NF1: variants seen among roughly 807,000 people sequenced by gnomAD.
NF1 encodes neurofibromin.
A neutral mutation model predicts 325.7 loss-of-function variants in NF1; 122 were observed. That is an observed-to-expected ratio of 0.37 (90% CI 0.32 to 0.44). NF1 has a LOEUF of 0.44. Among genes scored for constraint, NF1 ranks in the 20% least tolerant of loss-of-function variants. The probability of loss-of-function intolerance (pLI) is 1.00; values close to 1 mark genes in which losing one functional copy is unlikely to be tolerated. For synonymous variants in NF1, 1,091 were observed against 1,186.0 expected, an observed-to-expected ratio of 0.92 and a Z score of 1.65; for missense variants, 2,140 against 3,415.4, an observed-to-expected ratio of 0.63 and a Z score of 9.31.
intron 1 of NF1, among the ~76,000 whole-genome samples, chr17:31,140,222 T>G (rs1026013852): frequency 2.6e-5 from 4 of 152,196 alleles, no homozygotes; most frequent in African/African-American, 9.7e-5. Flanking sequence ...TCAAGGAAGC[T>G]TACTGCTGTG....
intron 16 of NF1, 121 bp downstream of exon 16, chr17:31,223,688 C>G: frequency 2.1e-6 from 2 of 939,612 alleles, no homozygotes; most frequent in Admixed American, 2.1e-5. Context: ...TCCCAATGTT[C>G]TCAAAAGGAA....
chr17:31,269,073 G>A (rs1358934639), intron 36 of NF1, among the ~76,000 whole-genome samples: 2 of 151,582 alleles, frequency 1.3e-5, no homozygotes, highest in Non-Finnish European at 2.9e-5. Flanking sequence ...AATGTCTTTC[G>A]AAACCATTTT....
chr17:31,372,485 C>T (rs2151599658), intron 57 of NF1, among the ~76,000 whole-genome samples: 1 of 152,256 alleles, frequency 6.6e-6, no homozygotes, highest in East Asian at 1.9e-4. Context: ...TGCAAGTTTT[C>T]AGCTTAGTGA....
At chr17:31,133,948 C>T (rs1490230668) in intron 1 of NF1, among the ~76,000 whole-genome samples, 1 of 152,216 alleles carries the variant, frequency 6.6e-6, no homozygotes, top group East Asian at 1.9e-4. Flanking sequence ...TGAGCCACTG[C>T]GTCTGGCCTT....
At chr17:31,137,853 C>T (rs1221403659) in intron 1 of NF1, 1 of 151,684 alleles carries the variant, frequency 6.6e-6, no homozygotes, top group African/African-American at 2.4e-5. Flanking sequence ...TTTTTTTTCT[C>T]AGAATTTGGA....
chr17:31,275,430 TGA>T (rs1032066375), intron 36 of NF1, among the ~76,000 whole-genome samples: 3 of 152,196 alleles, frequency 2.0e-5, no homozygotes, highest in African/African-American at 7.2e-5. Context: ...TAAGATATTT[TGA>T]GAGAGATGCC....
intron 36 of NF1, among the ~76,000 whole-genome samples, chr17:31,323,520 C>T (rs1469354238): frequency 6.6e-6 from 1 of 152,182 alleles, no homozygotes; most frequent in Non-Finnish European, 1.5e-5. Flanking sequence ...CGCCAGTAGT[C>T]CACAGAACAT....
Position 31,376,550 on chromosome 17 carries a change from G to A in NF1, c.*2395G>A, listed in dbSNP as rs1597884655. On this transcript the variant is annotated 3_prime_UTR_variant, in exon 58 of 58. Transcript: ENST00000358273. ...TTTTGAGGAAAATCTAGCTTTCCAA[G>A]TAACTAAAATGTACATGAGATAAAC... The A allele has an allele frequency of 1.7e-5, 4 of 232,858 alleles. No homozygotes were observed. The East Asian group carries it at 2.4e-4, about 14-fold the overall frequency. 14.4% of individuals were successfully genotyped at this position (232,858 alleles called of 1,614,324 possible). A position where few individuals can be genotyped will look rare whatever the true frequency, so the allele number is the denominator to read the frequency against.
In NF1 at chr17:31,249,075, G is replaced by A. The variant is rs2151451535; in HGVS notation, c.4066G>A (p.Glu1356Lys). 1.2e-6 allele frequency: 2 copies of A among 1,614,124 alleles called. No homozygotes were observed. The highest frequency in any genetic ancestry group is 1.7e-6 in the Non-Finnish European group (2 of 1,180,004). ...FFHAIISSSS[E>K]FPPQLRSVCH... is the part of the protein sequence containing the mutation. ...CCATGCCATCATCAGTTCCTCCTCA[G>A]AATTCCCCCCTCAACTTCGAAGTGT... Residue 1356 changes from glutamate (E) to lysine (K), a missense_variant, in exon 30 of 58, where the codon GAA (glutamate) becomes AAA (lysine). Physicochemically the swap from Glu to Lys is moderately conservative, Grantham distance 56. Coordinates refer to ENST00000358273, the MANE Select transcript of NF1 (RefSeq NM_001042492.3).
At position 31,226,476 on chromosome 17, in the gene NF1, A is replaced by G. The variant is rs1419142167; in HGVS notation, c.2043A>G (p.Arg681=). 2 of 1,613,694 alleles carry G rather than the reference A, an allele frequency of 1.2e-6. No individual in the cohort carries two copies. The highest frequency in any genetic ancestry group is 1.7e-6 in the Non-Finnish European group (2 of 1,179,806). The part of the protein sequence containing the change: ...AGCSGTPPIC[R]QAQTKLEVAL... ...GCAGCGGAACCCCCCCGATTTGCCG[A>G]CAAGCCCAGACCAAACTAGAAGTGG... Residue 681 remains arginine, a synonymous_variant, in exon 18 of 58, where the codon CGA becomes CGG. Coordinates refer to ENST00000358273, the MANE Select transcript of NF1 (RefSeq NM_001042492.3).
intron 2 of NF1, 41 bp downstream of exon 2, chr17:31,156,167 T>A (rs532428762): frequency 1.9e-6 from 3 of 1,609,772 alleles, no homozygotes; most frequent in South Asian, 2.2e-5. Context: ...ATTTGCTTTC[T>A]TTTCTTTTTG....
intron 5 of NF1, among the ~76,000 whole-genome samples, chr17:31,176,110 A>G (rs2066018505): frequency 6.6e-6 from 1 of 152,164 alleles, no homozygotes; most frequent in Non-Finnish European, 1.5e-5. Context: ...TGTCTTCCAC[A>G]ATGGTTGAAC....
At position 31,296,798 on chromosome 17, in the gene NF1, G is replaced by A. The variant is rs72815627; in HGVS notation, c.4836-29022G>A. The A allele has an allele frequency of 4.0e-3, 659 of 164,146 alleles. 2 individuals are homozygous for A. The highest frequency in any genetic ancestry group is 6.8e-3 in the Non-Finnish European group (504 of 74,648). 10.2% of individuals were successfully genotyped at this position (164,146 alleles called of 1,614,324 possible). A position where few individuals can be genotyped will look rare whatever the true frequency, so the allele number is the denominator to read the frequency against. Reference sequence around the variant, plus strand: ...ATGTAATTCAATGTGTGTATATAGGGTAGATTTTATTTAGATATTAAAGCA... The same window carrying A: ...ATGTAATTCAATGTGTGTATATAGGATAGATTTTATTTAGATATTAAAGCA... On this transcript the variant is annotated intron_variant, in intron 36 of 57. Transcript: ENST00000358273.
intron 1 of NF1, among the ~76,000 whole-genome samples, chr17:31,109,566 T>C (rs996959990): frequency 3.3e-5 from 5 of 152,070 alleles, no homozygotes; most frequent in East Asian, 1.9e-4. Flanking sequence ...GTATTTTTAA[T>C]AGAGAAGGTG....
chr17:31,104,609 A>G (rs1202004242), intron 1 of NF1, among the ~76,000 whole-genome samples: 3 of 152,080 alleles, frequency 2.0e-5, no homozygotes, highest in African/African-American at 7.2e-5. Flanking sequence ...GGGAAGGGAG[A>G]GATGAGACCA....
At chr17:31,224,397 A>G (rs2066977851) in intron 16 of NF1, among the ~76,000 whole-genome samples, 1 of 152,210 alleles carries the variant, frequency 6.6e-6, no homozygotes, top group Admixed American at 6.5e-5. Context: ...TATGAAACTC[A>G]TATCCTTTTC....
chr17:31,270,353 A>T (rs2067869009), intron 36 of NF1, among the ~76,000 whole-genome samples: 1 of 152,204 alleles, frequency 6.6e-6, no homozygotes, highest in African/African-American at 2.4e-5. Flanking sequence ...TCACACCTGT[A>T]ATCCCAGCAC....
At chr17:31,236,876 A>G (rs2067213475) in intron 29 of NF1, among the ~76,000 whole-genome samples, 1 of 152,150 alleles carries the variant, frequency 6.6e-6, no homozygotes. Flanking sequence ...GTGACGATTT[A>G]TGAGTTTCTC....
intron 4 of NF1, among the ~76,000 whole-genome samples, chr17:31,165,488 G>T (rs1295512222): frequency 6.6e-6 from 1 of 152,130 alleles, no homozygotes; most frequent in Non-Finnish European, 1.5e-5. Flanking sequence ...ATAGTATTAG[G>T]TGACTTAAAA....
Sources: allele counts gnomAD v4.1 joint callset (sites outside exome capture counted in the v4.1 genomes callset), GRCh38; gene constraint gnomAD v4.1.1; transcripts MANE v1.5; gene names NCBI Gene and HGNC (gene_info 2026-07-23, HGNC 2026-07-21).